KCTD16: variants seen among roughly 807,000 people sequenced by gnomAD.
KCTD16 encodes potassium channel tetramerization domain containing 16, also known as BTB/POZ domain-containing protein KCTD16.
KCTD16 carries 13 observed loss-of-function variants against 33.2 expected under a neutral mutation model. The ratio of observed to expected loss-of-function variants is 0.39; its 90% CI spans 0.25 to 0.62. The LOEUF (loss-of-function observed/expected upper bound fraction) is 0.62, where lower values mean the gene tolerates loss of function less well. KCTD16 is among the 20% of genes least tolerant of loss of function. The pLI, the probability that KCTD16 is intolerant of heterozygous loss-of-function variation, is 0.50. For synonymous variants in KCTD16, 197 were observed against 195.3 expected (o/e 1.01, Z -0.07); for missense variants, 441 against 525.1 (o/e 0.84, Z 1.57).
chr5:144,210,699 CA>C (rs772690706), intron 3 of KCTD16, among the ~76,000 whole-genome samples: 9 of 152,048 alleles, frequency 5.9e-5, no homozygotes, highest in Non-Finnish European at 1.3e-4. Context: ...ACTTAGGAAC[CA>C]AATGACAGGT....
intron 1 of KCTD16, among the ~76,000 whole-genome samples, chr5:144,173,780 A>G (rs532053264): frequency 6.6e-6 from 1 of 152,342 alleles, no homozygotes; most frequent in East Asian, 1.9e-4. Context: ...TTACCTGATT[A>G]AGTTTTGCAT....
At chr5:144,312,510 T>A (rs538973233) in intron 3 of KCTD16, among the ~76,000 whole-genome samples, 1 of 152,318 alleles carries the variant, frequency 6.6e-6, no homozygotes, top group East Asian at 1.9e-4. Flanking sequence ...TAACTTAAAA[T>A]AAATGAAGAA....
intron 3 of KCTD16, among the ~76,000 whole-genome samples, chr5:144,297,584 G>T (rs914860110): frequency 6.6e-6 from 1 of 152,112 alleles, no homozygotes; most frequent in Non-Finnish European, 1.5e-5. Flanking sequence ...ATATCCCAGC[G>T]AGAGATAGGA....
intron 3 of KCTD16, among the ~76,000 whole-genome samples, chr5:144,409,669 C>T (rs1267354022): frequency 6.6e-6 from 1 of 151,948 alleles, no homozygotes; most frequent in Non-Finnish European, 1.5e-5. Context: ...ACCAGCCTGG[C>T]CAACATTGTG....
At chr5:144,363,932 A>G (rs2126918678) in intron 3 of KCTD16, among the ~76,000 whole-genome samples, 1 of 152,338 alleles carries the variant, frequency 6.6e-6, no homozygotes, top group Middle Eastern at 3.4e-3. Context: ...TCAAGGGATA[A>G]TGCAGGTTGA....
intron 3 of KCTD16, among the ~76,000 whole-genome samples, chr5:144,412,340 A>G (rs1354716928): frequency 6.6e-6 from 1 of 152,240 alleles, no homozygotes; most frequent in Non-Finnish European, 1.5e-5. Flanking sequence ...TCATTAAGCC[A>G]TAAAAAAGAA....
chr5:144,406,500 G>C (rs934669359), intron 3 of KCTD16, among the ~76,000 whole-genome samples: 3 of 152,206 alleles, frequency 2.0e-5, no homozygotes, highest in Non-Finnish European at 1.5e-5. Flanking sequence ...TTCTAGAAAT[G>C]TCCATATATA....
At chr5:144,312,325 T>G (rs1160235850) in intron 3 of KCTD16, among the ~76,000 whole-genome samples, 1 of 152,102 alleles carries the variant, frequency 6.6e-6, no homozygotes, top group Non-Finnish European at 1.5e-5. Context: ...ATCCTTGGCA[T>G]TCATCACTCT....
At chr5:144,220,308 A>G (rs942040676) in intron 3 of KCTD16, among the ~76,000 whole-genome samples, 7 of 152,056 alleles carry the variant, frequency 4.6e-5, no homozygotes, top group African/African-American at 1.4e-4. Flanking sequence ...GTTTGTTTCC[A>G]TCCTCGTACT....
At chr5:144,339,936 G>A (rs1261154610) in intron 3 of KCTD16, among the ~76,000 whole-genome samples, 1 of 152,136 alleles carries the variant, frequency 6.6e-6, no homozygotes, top group Non-Finnish European at 1.5e-5. Flanking sequence ...GAGTAATATA[G>A]TGCTTGTCAC....
At chr5:144,273,107 G>A (rs576731906) in intron 3 of KCTD16, among the ~76,000 whole-genome samples, 1 of 152,038 alleles carries the variant, frequency 6.6e-6, no homozygotes, top group South Asian at 2.1e-4. Flanking sequence ...GATATATAGT[G>A]AACTCCTAAA....
At chr5:144,178,742 T>C (rs1448005161) in intron 2 of KCTD16, among the ~76,000 whole-genome samples, 1 of 152,232 alleles carries the variant, frequency 6.6e-6, no homozygotes, top group East Asian at 1.9e-4. Flanking sequence ...TTTATAAATG[T>C]CATTTCTTTT....
chr5:144,379,263 G>T (rs1207001723), intron 3 of KCTD16, among the ~76,000 whole-genome samples: 1 of 152,176 alleles, frequency 6.6e-6, no homozygotes, highest in African/African-American at 2.4e-5. Flanking sequence ...ATGAGAGGGA[G>T]TCTCTTTTCA....
intron 3 of KCTD16, among the ~76,000 whole-genome samples, chr5:144,222,400 A>C (rs973161843): frequency 6.6e-6 from 1 of 152,224 alleles, no homozygotes; most frequent in Non-Finnish European, 1.5e-5. Context: ...CATAACAACT[A>C]TAATCCAAGG....
chr5:144,323,945 A>G (rs903721302), intron 3 of KCTD16, among the ~76,000 whole-genome samples: 1 of 152,194 alleles, frequency 6.6e-6, no homozygotes, highest in Non-Finnish European at 1.5e-5. Context: ...CTGTGACTAC[A>G]AGGACTCACT....
chr5:144,478,737 T>C lies in KCTD16; in HGVS notation c.*4623T>C, dbSNP rs531658536. Reference sequence around the variant, plus strand: ...TCCTTTACTCCTTAGAAGCACTTCCTCATTTTCTCTTACTTTCTTCCCACT... The same window carrying C: ...TCCTTTACTCCTTAGAAGCACTTCCCCATTTTCTCTTACTTTCTTCCCACT... On this transcript the variant is annotated 3_prime_UTR_variant, in exon 4 of 4. Coordinates refer to ENST00000512467, the MANE Select transcript of KCTD16 (RefSeq NM_020768.4). 4.6e-5 allele frequency: 7 copies of C among 152,180 alleles called. No individual in the cohort carries two copies. The East Asian group carries it at 1.4e-3, about 29-fold the overall frequency. The allele number at this position is 152,180 out of a possible 1,614,324, so 9.4% of individuals were successfully genotyped here.
intron 3 of KCTD16, among the ~76,000 whole-genome samples, chr5:144,318,129 G>A (rs1048857459): frequency 6.6e-6 from 1 of 152,304 alleles, no homozygotes; most frequent in East Asian, 1.9e-4. Flanking sequence ...GAGACTGAAG[G>A]AGAAGGGGTC....
At chr5:144,335,950 A>G (rs906058933) in intron 3 of KCTD16, among the ~76,000 whole-genome samples, 1 of 152,170 alleles carries the variant, frequency 6.6e-6, no homozygotes, top group East Asian at 1.9e-4. Flanking sequence ...AAAAGTTAAA[A>G]TGGTAAAATG....
At chr5:144,360,243 C>T (rs1208274596) in intron 3 of KCTD16, among the ~76,000 whole-genome samples, 1 of 152,082 alleles carries the variant, frequency 6.6e-6, no homozygotes, top group Admixed American at 6.6e-5. Flanking sequence ...AATGCTATCC[C>T]TCCCCTAGCC....
Sources: gnomAD v4.1 joint callset for allele counts (sites outside exome capture counted in the v4.1 genomes callset) on GRCh38, gnomAD v4.1.1 for gene constraint, MANE v1.5 for transcripts, NCBI Gene and HGNC (gene_info 2026-07-23, HGNC 2026-07-21) for gene names.